The following TRIP13 variants were observed in gnomAD, a reference collection of about 807,000 sequenced individuals.
TRIP13 encodes the protein thyroid hormone receptor interactor 13.
Under a neutral mutation model 54.4 loss-of-function variants are expected in TRIP13, and 25 were observed. The ratio of observed to expected loss-of-function variants is 0.46; its 90% CI spans 0.33 to 0.64. The LOEUF (loss-of-function observed/expected upper bound fraction) is 0.64, where lower values mean the gene tolerates loss of function less well. TRIP13 is among the 30% of genes least tolerant of loss of function. The pLI, the probability that TRIP13 is intolerant of heterozygous loss-of-function variation, is 0.02. For missense variants in TRIP13, 373 were observed against 534.2 expected (o/e 0.70, Z 2.97); for synonymous variants, 207 against 207.8 (o/e 1.00, Z 0.03).
rs977603134 is a variant in TRIP13 at position 893,160 on chromosome 5, C to T, written c.92+70C>T. 3 of 1,409,534 alleles carry T rather than the reference C, an allele frequency of 2.1e-6. No homozygotes were observed. In the African/African-American group the frequency reaches 4.4e-5, roughly 21 times the overall value. The allele number at this position is 1,409,534 out of a possible 1,614,324, so 87.3% of individuals were successfully genotyped here. A position where few individuals can be genotyped will look rare whatever the true frequency, so the allele number is the denominator to read the frequency against. On this transcript the variant is annotated intron_variant, in intron 1 of 12. Transcript: ENST00000166345. Reference sequence around the variant, plus strand: ...CCGACCCCAGCGCGTGCACCGAGCCCCGACCCCAGCGCACTGATTCTGATG... The same window carrying T: ...CCGACCCCAGCGCGTGCACCGAGCCTCGACCCCAGCGCACTGATTCTGATG...
At chr5:893,504 G>GC (rs996841480) in intron 1 of TRIP13, 1 of 225,520 alleles carries the variant, frequency 4.4e-6, no homozygotes, top group African/African-American at 2.4e-5. Context: ...TATTCTTTGA[G>GC]CCACTGCTTC....
At chr5:902,526 T>C (rs1754014552) in intron 5 of TRIP13, among the ~76,000 whole-genome samples, 1 of 152,248 alleles carries the variant, frequency 6.6e-6, no homozygotes, top group South Asian at 2.1e-4. Flanking sequence ...GTCTCCATTT[T>C]CTGTTAGATG....
intron 11 of TRIP13, 93 bp downstream of exon 11, chr5:914,670 C>T: frequency 9.9e-7 from 1 of 1,010,894 alleles, no homozygotes; most frequent in Non-Finnish European, 1.5e-6. Flanking sequence ...CAGGGAGGGC[C>T]CTGGGTGTGA....
intron 10 of TRIP13, among the ~76,000 whole-genome samples, chr5:914,154 C>T (rs1008826573): frequency 3.9e-5 from 6 of 152,130 alleles, no homozygotes; most frequent in African/African-American, 1.4e-4. Context: ...GCCTCCAGGT[C>T]CCTTCCCTTC....
intron 4 of TRIP13, 76 bp downstream of exon 4, chr5:900,625 CT>C: frequency 6.6e-7 from 1 of 1,516,168 alleles, no homozygotes; most frequent in Non-Finnish European, 9.0e-7. Flanking sequence ...TCCAACACCC[CT>C]GAGCAACTTG....
At position 907,127 on chromosome 5, in the gene TRIP13, C is replaced by G; in HGVS notation, c.609-3C>G. The G allele has an allele frequency of 6.2e-7, 1 of 1,613,566 alleles. No individual in the cohort carries two copies. Among genetic ancestry groups the G allele is most frequent in the Non-Finnish European group, 8.5e-7 (1 of 1,179,736 alleles). Reference sequence around the variant, plus strand: ...TTCTCTCAACTCCTTTTTTCTATCTCAGGTACCGATATGGCCAATTAATTG... The same window carrying G: ...TTCTCTCAACTCCTTTTTTCTATCTGAGGTACCGATATGGCCAATTAATTG... On this transcript the variant is annotated splice_polypyrimidine_tract_variant and splice_region_variant and intron_variant, in intron 6 of 12. Coordinates refer to ENST00000166345, the MANE Select transcript of TRIP13 (RefSeq NM_004237.4). The surrounding 1 kb of genome is among the most constrained non-coding windows in gnomAD (Gnocchi z 4.1).
chr5:901,561 C>A, intron 5 of TRIP13, 130 bp downstream of exon 5: 1 of 763,238 alleles, frequency 1.3e-6, no homozygotes, highest in Non-Finnish European at 2.1e-6. Context: ...CTAGAATGTC[C>A]CCTCTCTGTG....
chr5:907,243 ATGTCT>A lies in TRIP13; in HGVS notation c.672+54_672+58del. 2 of 1,505,604 alleles carry A rather than the reference ATGTCT, an allele frequency of 1.3e-6. No individual in the cohort carries two copies. Among genetic ancestry groups the A allele is most frequent in the Non-Finnish European group, 9.2e-7 (1 of 1,085,824 alleles). 93.3% of individuals were successfully genotyped at this position (1,505,604 alleles called of 1,614,324 possible). A position where few individuals can be genotyped will look rare whatever the true frequency, so the allele number is the denominator to read the frequency against. On this transcript the variant is annotated intron_variant, in intron 7 of 12. Transcript: ENST00000166345. This position sits in a 1 kb window ranked among gnomAD's most constrained non-coding sequence, Gnocchi z 4.1. Reference sequence around the variant, plus strand: ...TTGTCTGGATTGTATAGCTGAAAAAATGTCTTGTATGTTAGGCAAATCCTCCTCCA... The same window carrying A: ...TTGTCTGGATTGTATAGCTGAAAAAATGTATGTTAGGCAAATCCTCCTCCA...
Position 896,140 on chromosome 5 carries a change from C to T in TRIP13, c.259-525C>T, listed in dbSNP as rs116386048. 9.3e-3 allele frequency among the ~76,000 whole-genome samples: 1,408 copies of T among 152,208 alleles called. 24 individuals carry two copies. Among genetic ancestry groups the T allele is most frequent in the African/African-American group, 0.031 (1,290 of 41,506 alleles). On this transcript the variant is annotated intron_variant, in intron 2 of 12. Transcript: ENST00000166345. Reference sequence around the variant, plus strand: ...TGGCCCGGGGATCATAGCAAGACCCCGTCTCTAAAAAGAGTTTTAAAAAAT... The same window carrying T: ...TGGCCCGGGGATCATAGCAAGACCCTGTCTCTAAAAAGAGTTTTAAAAAAT...
chr5:915,328 G>A lies in TRIP13; in HGVS notation c.1134-576G>A, dbSNP rs1020740171. Reference sequence around the variant, plus strand: ...ATGTGCCCGCTGCATCGTGCCTTACGCCTGGTGCTCCCAGGCAGGTGATGC... The same window carrying A: ...ATGTGCCCGCTGCATCGTGCCTTACACCTGGTGCTCCCAGGCAGGTGATGC... On this transcript the variant is annotated intron_variant, in intron 11 of 12. Transcript: ENST00000166345. The surrounding 1 kb of genome is among the most constrained non-coding windows in gnomAD (Gnocchi z 4.2). Among the ~76,000 whole-genome samples, 7 of 152,218 alleles carry A rather than the reference G, an allele frequency of 4.6e-5. No homozygotes were observed. The highest frequency in any genetic ancestry group is 9.6e-5 in the African/African-American group (4 of 41,460).
intron 9 of TRIP13, among the ~76,000 whole-genome samples, chr5:910,512 C>G (rs1277505553): frequency 6.6e-6 from 1 of 152,096 alleles, no homozygotes; most frequent in East Asian, 1.9e-4. Flanking sequence ...TCCCTAACTT[C>G]CTGGGATTCC....
Position 893,047 on chromosome 5 carries a change from G to A in TRIP13, c.49G>A (p.Glu17Lys), listed in dbSNP as rs1053998000. The part of the protein sequence containing the change: ...DLKQALPCVA[E>K]SPTVHVEVHQ... The stretch of plus-strand genomic sequence containing the variant: ...GAAGCAGGCGCTTCCCTGTGTGGCC[G>A]AGTCGCCAACGGTCCACGTGGAGGT... Residue 17 changes from glutamate (E) to lysine (K), a missense_variant, in exon 1 of 13, where the codon GAG becomes AAG. This residue lies in a region of TRIP13 where 151 missense variants were observed against 151.9 expected (regional missense o/e 0.99). Coordinates refer to ENST00000166345, the MANE Select transcript of TRIP13 (RefSeq NM_004237.4). The A allele has an allele frequency of 6.3e-7, 1 of 1,597,702 alleles. No individual in the cohort carries two copies. Among genetic ancestry groups the A allele is most frequent in the Non-Finnish European group, 8.5e-7 (1 of 1,176,122 alleles).
Position 908,039 on chromosome 5 carries a change from G to A in TRIP13, c.724G>A (p.Asp242Asn). Residue 242 changes from aspartate (D) to asparagine (N), a missense_variant, in exon 8 of 13, where the codon GAT becomes AAT. Physicochemically the swap from Asp to Asn is conservative, Grantham distance 23. Transcript: ENST00000166345. The surrounding 1 kb of genome is among the most constrained non-coding windows in gnomAD (Gnocchi z 5.2). ...TCAGAAGATTCAGGATTTGATTGAT[G>A]ATAAAGACGCCCTGGTGTTCGTGCT... Reference protein sequence around the residue: ...MFQKIQDLIDDKDALVFVLID... With the variant: ...MFQKIQDLIDNKDALVFVLID... 1 of 1,614,228 alleles carries A rather than the reference G, an allele frequency of 6.2e-7. No homozygotes were observed.
In TRIP13 at chr5:907,954, G is replaced by A. The variant is rs948813249; in HGVS notation, c.673-34G>A. 6.2e-7 allele frequency: 1 copy of A among 1,610,538 alleles called. No individual in the cohort carries two copies. Among genetic ancestry groups the A allele is most frequent in the Middle Eastern group, 1.7e-4 (1 of 6,054 alleles). On this transcript the variant is annotated intron_variant, in intron 7 of 12. Coordinates refer to ENST00000166345, the MANE Select transcript of TRIP13 (RefSeq NM_004237.4). This position sits in a 1 kb window ranked among gnomAD's most constrained non-coding sequence, Gnocchi z 4.1. ...CTGTGCACCTGGCAGTGTGGTCCCT[G>A]CACGTTGACACTAAAAGGGTGTTTG...
chr5:903,289 TCCAGGCATAACAGA>T (rs1455902683), intron 5 of TRIP13, among the ~76,000 whole-genome samples: 1 of 152,158 alleles, frequency 6.6e-6, no homozygotes, highest in Non-Finnish European at 1.5e-5. Flanking sequence ...GGTGGCCCTG[TCCAGGCATAACAGA>T]AGGCTCGCAC....
chr5:896,842 G>A (rs753646441), intron 3 of TRIP13, 48 bp downstream of exon 3: 2 of 1,586,224 alleles, frequency 1.3e-6, no homozygotes, highest in Non-Finnish European at 8.6e-7. Flanking sequence ...TCAGAGGATT[G>A]TATACTCCAT....
At position 908,683 on chromosome 5, in the gene TRIP13, G is replaced by C. The variant is rs1446325681; in HGVS notation, c.866+222G>C. The C allele has an allele frequency of 3.0e-6, 4 of 1,321,454 alleles. No individual in the cohort carries two copies. The African/African-American group carries it at 6.0e-5, about 20-fold the overall frequency. The allele number at this position is 1,321,454 out of a possible 1,614,324, so 81.9% of individuals were successfully genotyped here. ...TGTTAAAAATGTAATAGAAGGCCAG[G>C]CGCGGTGGCTCACACCTGTAATCCC... On this transcript the variant is annotated intron_variant, in intron 9 of 12. Coordinates refer to ENST00000166345, the MANE Select transcript of TRIP13 (RefSeq NM_004237.4). The surrounding 1 kb of genome is among the most constrained non-coding windows in gnomAD (Gnocchi z 5.2).
rs1272398224 is a variant in TRIP13, at chr5:917,187, G to T, written c.*84G>T. On this transcript the variant is annotated 3_prime_UTR_variant, in exon 13 of 13. Transcript: ENST00000166345. ...TTGCCCCACACAGCCGTCTCCCAGG[G>T]AATCCCTTCTGCAAACCAAACGTTA... The T allele has an allele frequency of 7.3e-6, 10 of 1,369,890 alleles. No homozygotes were observed. The highest frequency in any genetic ancestry group is 1.0e-5 in the Non-Finnish European group (10 of 986,860). 84.9% of individuals were successfully genotyped at this position (1,369,890 alleles called of 1,614,324 possible).
intron 2 of TRIP13, among the ~76,000 whole-genome samples, chr5:895,891 G>T (rs926152807): frequency 6.6e-6 from 1 of 152,190 alleles, no homozygotes; most frequent in Non-Finnish European, 1.5e-5. Flanking sequence ...TCCACCAGAG[G>T]TCAGTTAATA....
Sources: gnomAD v4.1 joint callset for allele counts (sites outside exome capture counted in the v4.1 genomes callset) on GRCh38, gnomAD v4.1.1 for gene constraint, gnomAD v4.1.1 regional missense constraint, Gnocchi (gnomAD v3.1) non-coding constraint, MANE v1.5 for transcripts, NCBI Gene and HGNC (gene_info 2026-07-23, HGNC 2026-07-21) for gene names.